Variants in SERGEF observed in about 807,000 individuals in gnomAD.
SERGEF encodes the protein secretion-regulating guanine nucleotide exchange factor.
Under a neutral mutation model 50.0 loss-of-function variants are expected in SERGEF, and 51 were observed. The observed-to-expected ratio is 1.02, with a 90% CI of 0.81 to 1.29. SERGEF has a LOEUF of 1.29. Among genes scored for constraint, SERGEF ranks in the 50% most tolerant of loss-of-function variants. The probability of loss-of-function intolerance (pLI) is 0.00; values close to 1 mark genes in which losing one functional copy is unlikely to be tolerated. For synonymous variants in SERGEF, 205 were observed against 212.4 expected, an observed-to-expected ratio of 0.97 and a Z score of 0.30; for missense variants, 521 against 557.0, an observed-to-expected ratio of 0.94 and a Z score of 0.65.
intron 10 of SERGEF, among the ~76,000 whole-genome samples, chr11:17,818,628 T>C (rs994832923): frequency 6.6e-6 from 1 of 152,222 alleles, no homozygotes; most frequent in Non-Finnish European, 1.5e-5. Flanking sequence ...AGTCCCACTC[T>C]GCTCCTCCAC....
chr11:18,009,132 A>C (rs1854144021), intron 1 of SERGEF, among the ~76,000 whole-genome samples: 1 of 152,130 alleles, frequency 6.6e-6, no homozygotes, highest in Non-Finnish European at 1.5e-5. Context: ...CACCAGAAGG[A>C]CTCTGGAGCA....
At chr11:17,993,075 C>T in intron 6 of SERGEF, 82 bp from the exon 7 acceptor site, 1 of 1,162,820 alleles carries the variant, frequency 8.6e-7, no homozygotes, top group South Asian at 1.3e-5. Context: ...CCAGTACCAC[C>T]TGGGCGTGGG....
At chr11:17,863,823 T>C (rs2133885300) in intron 10 of SERGEF, 1 of 152,372 alleles carries the variant, frequency 6.6e-6, no homozygotes, top group African/African-American at 2.4e-5. Flanking sequence ...ATAATGTTCA[T>C]TGAGTATTTA....
chr11:17,881,318 G>T (rs761266480), intron 9 of SERGEF, among the ~76,000 whole-genome samples: 16 of 152,226 alleles, frequency 1.1e-4, no homozygotes, highest in Non-Finnish European at 2.4e-4. Flanking sequence ...ACAAGCCATT[G>T]ACAAATGTCA....
At chr11:17,873,519 G>T (rs1851185160) in intron 10 of SERGEF, among the ~76,000 whole-genome samples, 1 of 152,264 alleles carries the variant, frequency 6.6e-6, no homozygotes, top group South Asian at 2.1e-4. Context: ...GAAATTGCTT[G>T]ATGGTTTCAT....
At chr11:17,832,606 A>G (rs1850329158) in intron 10 of SERGEF, among the ~76,000 whole-genome samples, 1 of 152,218 alleles carries the variant, frequency 6.6e-6, no homozygotes, top group East Asian at 1.9e-4. Flanking sequence ...AGAAGAAGAC[A>G]GGAAAATGTG....
In SERGEF at chr11:17,788,359, G is replaced by A; in HGVS notation, c.1103C>T (p.Thr368Ile). The change falls in exon 11 of 11, where the codon ACT (threonine) becomes ATT (isoleucine). Residue 368 changes from threonine (T) to isoleucine (I), a missense_variant. Coordinates refer to ENST00000265965, the MANE Select transcript of SERGEF (RefSeq NM_012139.4). Reference sequence around the variant, plus strand: ...CTTTGGGGCCCAGACGTTGGCTTCAGTGCCATCTCCGCACATGCCATGCTC... The same window carrying A: ...CTTTGGGGCCCAGACGTTGGCTTCAATGCCATCTCCGCACATGCCATGCTC... ...WNEHGMCGDGTEANVWAPKPV... is the reference protein window; with the variant it reads ...WNEHGMCGDGIEANVWAPKPV... 1.9e-6 allele frequency: 3 copies of A among 1,614,058 alleles called. No individual in the cohort carries two copies. The highest frequency in any genetic ancestry group is 2.5e-6 in the Non-Finnish European group (3 of 1,179,946).
chr11:17,851,724 G>A (rs911985304), intron 10 of SERGEF, among the ~76,000 whole-genome samples: 1 of 152,202 alleles, frequency 6.6e-6, no homozygotes, highest in Non-Finnish European at 1.5e-5. Flanking sequence ...GAAGACTAGA[G>A]TAAAACACTT....
At chr11:17,843,065 T>C (rs750414138) in intron 10 of SERGEF, among the ~76,000 whole-genome samples, 10 of 152,156 alleles carry the variant, frequency 6.6e-5, no homozygotes, top group Non-Finnish European at 1.0e-4. Flanking sequence ...TACTTGTCTA[T>C]CTCCTGTAGC....
chr11:17,988,990 A>G (rs151336030), intron 7 of SERGEF, among the ~76,000 whole-genome samples: 5 of 152,360 alleles, frequency 3.3e-5, no homozygotes, highest in Middle Eastern at 3.4e-3. Context: ...AGCTTAAGAA[A>G]TAAAAATGTG....
chr11:17,861,217 G>C (rs1242196797), intron 10 of SERGEF, among the ~76,000 whole-genome samples: 1 of 152,220 alleles, frequency 6.6e-6, no homozygotes, highest in African/African-American at 2.4e-5. Context: ...TGAGTCAGAG[G>C]AAACAGAAAC....
At chr11:17,961,705 A>G (rs1168356949) in intron 8 of SERGEF, among the ~76,000 whole-genome samples, 1 of 152,176 alleles carries the variant, frequency 6.6e-6, no homozygotes, top group Non-Finnish European at 1.5e-5. Context: ...ATTAATCCTC[A>G]TACTCTCTGC....
At chr11:17,823,650 G>C (rs1384385582) in intron 10 of SERGEF, among the ~76,000 whole-genome samples, 3 of 152,138 alleles carry the variant, frequency 2.0e-5, no homozygotes, top group Non-Finnish European at 4.4e-5. Flanking sequence ...AGTCAAGCAC[G>C]GGGCTTGGAC....
chr11:17,995,691 C>G (rs1853822664), intron 6 of SERGEF, 105 bp downstream of exon 6: 2 of 800,408 alleles, frequency 2.5e-6, no homozygotes, highest in Admixed American at 2.3e-5. Context: ...GTTAGAGAGA[C>G]CAAGAAATAG....
intron 10 of SERGEF, among the ~76,000 whole-genome samples, chr11:17,876,347 A>C (rs2133896507): frequency 6.6e-6 from 1 of 152,328 alleles, no homozygotes; most frequent in Non-Finnish European, 1.5e-5. Context: ...CACACAGGTA[A>C]CACTGGACAC....
intron 6 of SERGEF, among the ~76,000 whole-genome samples, chr11:17,995,113 A>G (rs1853809822): frequency 6.6e-6 from 1 of 152,186 alleles, no homozygotes; most frequent in Non-Finnish European, 1.5e-5. Context: ...AAAGAGAGAG[A>G]GAGACAGGGG....
chr11:17,979,570 C>T (rs185158090), intron 8 of SERGEF, among the ~76,000 whole-genome samples: 6 of 152,238 alleles, frequency 3.9e-5, no homozygotes, highest in Admixed American at 3.9e-4. Context: ...TTCTCTATCT[C>T]CAGGCCTCTT....
At chr11:17,895,676 A>AT (rs1182854523) in intron 9 of SERGEF, among the ~76,000 whole-genome samples, 12 of 152,170 alleles carry the variant, frequency 7.9e-5, no homozygotes, top group Non-Finnish European at 1.8e-4. Flanking sequence ...AAGTTTATTT[A>AT]TTTTTTTAGG....
At chr11:17,995,497 T>C (rs1038434218) in intron 6 of SERGEF, among the ~76,000 whole-genome samples, 1 of 152,198 alleles carries the variant, frequency 6.6e-6, no homozygotes, top group Non-Finnish European at 1.5e-5. Context: ...TATATAGTCA[T>C]AGTGAGCCTC....
Sources: allele counts gnomAD v4.1 joint callset (sites outside exome capture counted in the v4.1 genomes callset), GRCh38; gene constraint gnomAD v4.1.1; transcripts MANE v1.5; gene names NCBI Gene and HGNC (gene_info 2026-07-23, HGNC 2026-07-21).